Variants in PLXDC2 observed in about 807,000 individuals in gnomAD.
PLXDC2 encodes the protein plexin domain-containing protein 2.
PLXDC2 carries 40 observed loss-of-function variants against 68.9 expected under a neutral mutation model. The observed-to-expected ratio is 0.58, with a 90% CI of 0.45 to 0.76. The LOEUF (loss-of-function observed/expected upper bound fraction) is 0.76, where lower values mean the gene tolerates loss of function less well. PLXDC2 is among the 30% of genes least tolerant of loss of function. PLXDC2 has a pLI of 0.00. For missense variants in PLXDC2, 644 were observed against 661.9 expected (o/e 0.97, Z 0.30); for synonymous variants, 243 against 234.2 (o/e 1.04, Z -0.34).
At chr10:19,849,688 G>C (rs960136177) in intron 1 of PLXDC2, among the ~76,000 whole-genome samples, 1 of 152,068 alleles carries the variant, frequency 6.6e-6, no homozygotes, top group Admixed American at 6.6e-5. Context: ...GCACAACCAT[G>C]AGTCAATTAA....
intron 5 of PLXDC2, 105 bp from the exon 6 acceptor site, chr10:20,147,679 C>A: frequency 1.5e-6 from 1 of 654,832 alleles, no homozygotes; most frequent in Non-Finnish European, 2.7e-6. Flanking sequence ...AGTACAACTA[C>A]CAGATTTGAA....
At chr10:19,933,785 G>A (rs978205894) in intron 1 of PLXDC2, among the ~76,000 whole-genome samples, 8 of 150,096 alleles carry the variant, frequency 5.3e-5, no homozygotes, top group Admixed American at 2.7e-4. Context: ...GGAAGGAAGC[G>A]GGGAGAGGGA....
chr10:19,945,540 T>C (rs1489189750), intron 1 of PLXDC2, among the ~76,000 whole-genome samples: 1 of 152,228 alleles, frequency 6.6e-6, no homozygotes. Context: ...TTTTTATTCT[T>C]CCTTGTACAG....
At chr10:19,988,187 G>A (rs1486570116) in intron 1 of PLXDC2, among the ~76,000 whole-genome samples, 1 of 152,160 alleles carries the variant, frequency 6.6e-6, no homozygotes, top group Non-Finnish European at 1.5e-5. Context: ...GATTTTGAAA[G>A]CCTTTGCAAG....
intron 9 of PLXDC2, among the ~76,000 whole-genome samples, chr10:20,177,733 C>T (rs1358142995): frequency 9.0e-6 from 1 of 111,180 alleles, no homozygotes; most frequent in Non-Finnish European, 1.9e-5. Flanking sequence ...AGCCAGACCC[C>T]ATTTTTACAA....
At chr10:19,912,315 A>T (rs1044150841) in intron 1 of PLXDC2, among the ~76,000 whole-genome samples, 2 of 152,212 alleles carry the variant, frequency 1.3e-5, no homozygotes, top group African/African-American at 4.8e-5. Flanking sequence ...TTATCTTGAA[A>T]TAAAATTCAT....
At chr10:20,274,324 A>C (rs189289398) in intron 13 of PLXDC2, among the ~76,000 whole-genome samples, 63 of 152,308 alleles carry the variant, frequency 4.1e-4, no homozygotes, top group Non-Finnish European at 6.9e-4. Context: ...TACTTTAAAG[A>C]TACTAGCTTT....
At chr10:19,954,674 TA>T (rs1834040432) in intron 1 of PLXDC2, among the ~76,000 whole-genome samples, 1 of 152,234 alleles carries the variant, frequency 6.6e-6, no homozygotes, top group South Asian at 2.1e-4. Context: ...CATTTATTGA[TA>T]TTTTTAACTT....
intron 13 of PLXDC2, among the ~76,000 whole-genome samples, chr10:20,255,454 T>C (rs1835731289): frequency 6.6e-6 from 1 of 152,174 alleles, no homozygotes; most frequent in Non-Finnish European, 1.5e-5. Context: ...ATTGGTTAAT[T>C]GTTCTGCGTT....
chr10:19,839,248 G>T (rs1211564936), intron 1 of PLXDC2, among the ~76,000 whole-genome samples: 3 of 151,904 alleles, frequency 2.0e-5, no homozygotes, highest in African/African-American at 7.3e-5. Context: ...ACAGAGAAAG[G>T]TCTAGAAAGC....
At chr10:19,823,628 C>T (rs889568141) in intron 1 of PLXDC2, among the ~76,000 whole-genome samples, 1 of 150,958 alleles carries the variant, frequency 6.6e-6, no homozygotes, top group Non-Finnish European at 1.5e-5. Context: ...GTTGAGATTG[C>T]GCCACTGCAC....
intron 1 of PLXDC2, among the ~76,000 whole-genome samples, chr10:19,858,069 A>T (rs1006276300): frequency 2.0e-5 from 3 of 152,128 alleles, no homozygotes; most frequent in Non-Finnish European, 2.9e-5. Context: ...ACATGCAGCT[A>T]GGTTGGCCAA....
At chr10:19,970,625 T>C (rs1327647897) in intron 1 of PLXDC2, among the ~76,000 whole-genome samples, 2 of 152,222 alleles carry the variant, frequency 1.3e-5, no homozygotes, top group Non-Finnish European at 2.9e-5. Context: ...AAGATAGATA[T>C]GGCATTTTCC....
intron 9 of PLXDC2, among the ~76,000 whole-genome samples, chr10:20,208,877 A>T (rs1835029120): frequency 6.6e-6 from 1 of 152,184 alleles, no homozygotes; most frequent in Admixed American, 6.5e-5. Context: ...ACATGTCGGC[A>T]GGTTGCGTGA....
chr10:19,932,174 G>A (rs1352335878), intron 1 of PLXDC2, among the ~76,000 whole-genome samples: 1 of 152,168 alleles, frequency 6.6e-6, no homozygotes, highest in Non-Finnish European at 1.5e-5. Context: ...TCGAAATGTT[G>A]ACAAAGTACC....
At chr10:20,219,342 A>G (rs942935406) in intron 12 of PLXDC2, among the ~76,000 whole-genome samples, 2 of 152,162 alleles carry the variant, frequency 1.3e-5, no homozygotes, top group Non-Finnish European at 2.9e-5. Context: ...GGAAAATTCA[A>G]CCACACATCT....
At chr10:20,141,416 T>C (rs1834005506) in intron 4 of PLXDC2, among the ~76,000 whole-genome samples, 1 of 152,144 alleles carries the variant, frequency 6.6e-6, no homozygotes, top group South Asian at 2.1e-4. Flanking sequence ...ATTTTGTATT[T>C]ATTTAAAATT....
intron 1 of PLXDC2, among the ~76,000 whole-genome samples, chr10:19,903,996 G>T (rs1274507956): frequency 6.6e-6 from 1 of 151,862 alleles, no homozygotes. Context: ...TGGTTTTGAG[G>T]GTTCCTTTTG....
intron 4 of PLXDC2, among the ~76,000 whole-genome samples, chr10:20,074,069 G>T: frequency 6.6e-6 from 1 of 152,066 alleles, no homozygotes; most frequent in East Asian, 1.9e-4. Context: ...TATGTAGACA[G>T]ATGGTGGTTC....
Sources: allele counts gnomAD v4.1 joint callset (sites outside exome capture counted in the v4.1 genomes callset), GRCh38; gene constraint gnomAD v4.1.1; transcripts MANE v1.5; gene names NCBI Gene and HGNC (gene_info 2026-07-23, HGNC 2026-07-21).